Variants in ZFHX4 observed in about 807,000 individuals in gnomAD.
The protein encoded by ZFHX4 is zinc finger homeobox protein 4.
A neutral mutation model predicts 267.6 loss-of-function variants in ZFHX4; 56 were observed. That is an observed-to-expected ratio of 0.21 (90% CI 0.17 to 0.26). The LOEUF is 0.26. ZFHX4 is among the 10% of genes least tolerant of loss of function. The pLI is 1.00. For synonymous variants in ZFHX4, 1,778 were observed against 1,665.6 expected (o/e 1.07, Z -1.64); for missense variants, 4,332 against 4,420.0 (o/e 0.98, Z 0.56).
At chr8:76,813,210 T>C (rs1304876166) in intron 4 of ZFHX4, among the ~76,000 whole-genome samples, 7 of 152,174 alleles carry the variant, frequency 4.6e-5, no homozygotes, top group Admixed American at 1.3e-4. Context: ...TAGCAAACGA[T>C]TTGAAATAAA....
At chr8:76,739,174 T>C (rs1381564741) in intron 3 of ZFHX4, among the ~76,000 whole-genome samples, 3 of 152,154 alleles carry the variant, frequency 2.0e-5, no homozygotes, top group Non-Finnish European at 4.4e-5. Flanking sequence ...GACAACAGGG[T>C]TAGGATACTT....
intron 4 of ZFHX4, among the ~76,000 whole-genome samples, chr8:76,831,197 A>G (rs1021461161): frequency 2.0e-5 from 3 of 152,166 alleles, no homozygotes; most frequent in African/African-American, 7.2e-5. Flanking sequence ...ATAATTTGTC[A>G]TTTTATTTTT....
At chr8:76,785,282 A>G (rs540261851) in intron 4 of ZFHX4, among the ~76,000 whole-genome samples, 1 of 152,196 alleles carries the variant, frequency 6.6e-6, no homozygotes, top group Admixed American at 6.6e-5. Context: ...AAATGGTTTC[A>G]TGGTATTCTA....
At chr8:76,715,067 T>G (rs1808528784) in intron 3 of ZFHX4, among the ~76,000 whole-genome samples, 1 of 152,216 alleles carries the variant, frequency 6.6e-6, no homozygotes, top group Admixed American at 6.5e-5. Context: ...TTATCAGTTT[T>G]AGACAACGAT....
chr8:76,797,436 C>A (rs1376019934), intron 4 of ZFHX4, among the ~76,000 whole-genome samples: 2 of 152,070 alleles, frequency 1.3e-5, no homozygotes, highest in Admixed American at 1.3e-4. Flanking sequence ...TACACTGGAG[C>A]CTCTGTACTG....
At chr8:76,822,694 G>A (rs977133576) in intron 4 of ZFHX4, among the ~76,000 whole-genome samples, 3 of 151,838 alleles carry the variant, frequency 2.0e-5, no homozygotes, top group African/African-American at 4.8e-5. Context: ...CCCCATCTTG[G>A]CCTCTTAAAG....
intron 6 of ZFHX4, among the ~76,000 whole-genome samples, chr8:76,844,102 G>A (rs1812306065): frequency 6.6e-6 from 1 of 152,134 alleles, no homozygotes. Context: ...AAGTTACTGA[G>A]GAGGAATTAG....
chr8:76,735,068 T>C (rs924142360), intron 3 of ZFHX4, among the ~76,000 whole-genome samples: 1 of 152,144 alleles, frequency 6.6e-6, no homozygotes. Context: ...AGATATAATG[T>C]GATTTCAGAA....
chr8:76,696,634 CA>C (rs34436337), intron 1 of ZFHX4, among the ~76,000 whole-genome samples: 35,890 of 101,988 alleles, frequency 0.35, 6,579 homozygotes, highest in African/African-American at 0.6. Context: ...ACTTTCAGGC[CA>C]AAAAAAAAAA....
chr8:76,802,213 A>G (rs1811134687), intron 4 of ZFHX4, among the ~76,000 whole-genome samples: 1 of 152,168 alleles, frequency 6.6e-6, no homozygotes, highest in Non-Finnish European at 1.5e-5. Context: ...GCAGCCTTCA[A>G]GATTATCCAG....
chr8:76,698,828 C>T (rs1334196025), intron 1 of ZFHX4, among the ~76,000 whole-genome samples: 2 of 152,154 alleles, frequency 1.3e-5, no homozygotes, highest in Non-Finnish European at 2.9e-5. Flanking sequence ...TAATTACCTT[C>T]TCCCCTTTGT....
chr8:76,843,159 A>G (rs1293504688), intron 6 of ZFHX4, among the ~76,000 whole-genome samples: 1 of 152,214 alleles, frequency 6.6e-6, no homozygotes, highest in Non-Finnish European at 1.5e-5. Context: ...ATTAGATATC[A>G]CTTGAATTTT....
At position 76,863,301 on chromosome 8, in the gene ZFHX4, C is replaced by T. The variant is rs1185269356; in HGVS notation, c.9587C>T (p.Pro3196Leu). The T allele has an allele frequency of 6.2e-7, 1 of 1,612,766 alleles. No homozygotes were observed. Among genetic ancestry groups the T allele is most frequent in the Non-Finnish European group, 8.5e-7 (1 of 1,179,608 alleles). Reference sequence around the variant, plus strand: ...GAATCTGAGAAAAAGCAAACTAAGCCAAACAAGGTGAAAAAAATCAAAGAG... The same window carrying T: ...GAATCTGAGAAAAAGCAAACTAAGCTAAACAAGGTGAAAAAAATCAAAGAG... ...NKESEKKQTK[P>L]NKVKKIKEEE... Residue 3196 changes from proline (P) to leucine (L), a missense_variant, in exon 11 of 11, where the codon CCA becomes CTA. Pro to Leu is a moderately conservative substitution (Grantham distance 98). This residue lies in a region of ZFHX4 where 1,648 missense variants were observed against 1,625.0 expected (regional missense o/e 1.01). Coordinates refer to ENST00000651372, the MANE Select transcript of ZFHX4 (RefSeq NM_024721.5).
chr8:76,840,111 C>G (rs1461570392), intron 5 of ZFHX4, among the ~76,000 whole-genome samples: 1 of 152,104 alleles, frequency 6.6e-6, no homozygotes. Context: ...AACAGCTTTC[C>G]CCTTCTAAAC....
At chr8:76,723,153 T>C (rs927036599) in intron 3 of ZFHX4, among the ~76,000 whole-genome samples, 1 of 152,090 alleles carries the variant, frequency 6.6e-6, no homozygotes, top group Non-Finnish European at 1.5e-5. Flanking sequence ...CAAGTGTGAA[T>C]TTGCAAATGA....
At chr8:76,784,153 T>G (rs1042669071) in intron 4 of ZFHX4, among the ~76,000 whole-genome samples, 2 of 152,032 alleles carry the variant, frequency 1.3e-5, no homozygotes, top group African/African-American at 4.8e-5. Context: ...TGTATGCCAG[T>G]TGATATATAA....
chr8:76,849,633 G>C lies in ZFHX4; in HGVS notation c.3767G>C (p.Ser1256Thr). The C allele has an allele frequency of 6.2e-7, 1 of 1,613,912 alleles. No homozygotes were observed. Among genetic ancestry groups the C allele is most frequent in the Admixed American group, 1.7e-5 (1 of 60,022 alleles). ...TGTCCTCTCTGTCAGGACGTCCTCA[G>C]CAACAAAATGCATCTCCAACTGCAT... ...ICCPLCQDVLSNKMHLQLHLT... is the reference protein window; with the variant it reads ...ICCPLCQDVLTNKMHLQLHLT... Residue 1256 changes from serine to threonine, a missense_variant, in exon 8 of 11, where the codon AGC becomes ACC. Physicochemically the swap from Ser to Thr is moderately conservative, Grantham distance 58. This residue lies in a region of ZFHX4 where 1,371 missense variants were observed against 1,423.1 expected (regional missense o/e 0.96). Coordinates refer to ENST00000651372, the MANE Select transcript of ZFHX4 (RefSeq NM_024721.5).
intron 4 of ZFHX4, among the ~76,000 whole-genome samples, chr8:76,808,795 G>A (rs1811305038): frequency 6.6e-6 from 1 of 152,080 alleles, no homozygotes; most frequent in Non-Finnish European, 1.5e-5. Flanking sequence ...ATGCCTGCTA[G>A]GCATATTCTT....
intron 1 of ZFHX4, among the ~76,000 whole-genome samples, chr8:76,699,102 C>A (rs1465175811): frequency 1.3e-5 from 2 of 152,122 alleles, no homozygotes; most frequent in South Asian, 2.1e-4. Flanking sequence ...AGATTGCCAG[C>A]AAAGAAAAAT....
Sources: gnomAD v4.1 joint callset for allele counts (sites outside exome capture counted in the v4.1 genomes callset) on GRCh38, gnomAD v4.1.1 for gene constraint, gnomAD v4.1.1 regional missense constraint, MANE v1.5 for transcripts, NCBI Gene and HGNC (gene_info 2026-07-23, HGNC 2026-07-21) for gene names.